Variants in XRN2 observed in about 807,000 individuals in gnomAD.
XRN2 encodes DHM1-like protein.
XRN2 carries 44 observed loss-of-function variants against 138.5 expected under a neutral mutation model. The observed-to-expected ratio is 0.32, with a 90% CI of 0.25 to 0.41. The LOEUF (loss-of-function observed/expected upper bound fraction) is 0.41. XRN2 is among the 10% of genes least tolerant of loss of function. The pLI is 1.00. For synonymous variants in XRN2, 354 were observed against 369.4 expected, an observed-to-expected ratio of 0.96 and a Z score of 0.48; for missense variants, 937 against 1,169.3, an observed-to-expected ratio of 0.80 and a Z score of 2.90.
At chr20:21,349,312 A>G (rs9917457) in intron 19 of XRN2, 77 bp from the exon 20 acceptor site, 55,788 of 1,012,898 alleles carry the variant, frequency 0.055, 2,683 homozygotes, top group African/African-American at 0.22. Context: ...TATAACTTGA[A>G]TGAAAGTCAT....
intron 15 of XRN2, among the ~76,000 whole-genome samples, chr20:21,341,395 T>C (rs775843196): frequency 2.6e-5 from 4 of 152,196 alleles, no homozygotes; most frequent in Non-Finnish European, 5.9e-5. Context: ...TAAATAAATA[T>C]CTTAAGGTAG....
intron 3 of XRN2, among the ~76,000 whole-genome samples, chr20:21,326,943 A>C (rs1490383262): frequency 6.6e-6 from 1 of 152,208 alleles, no homozygotes; most frequent in East Asian, 1.9e-4. Flanking sequence ...GGGAAGAGGA[A>C]GTCAGTGCTA....
At chr20:21,368,676 TTTG>T (rs2038730150) in intron 27 of XRN2, 86 bp downstream of exon 27, 10 of 1,556,502 alleles carry the variant, frequency 6.4e-6, no homozygotes, top group Non-Finnish European at 7.8e-6. Flanking sequence ...CTGAAAAAGA[TTTG>T]TTGTATCAGT....
At chr20:21,385,517 G>A (rs143183097) in intron 28 of XRN2, among the ~76,000 whole-genome samples, 2 of 152,146 alleles carry the variant, frequency 1.3e-5, no homozygotes, top group Non-Finnish European at 2.9e-5. Flanking sequence ...ATTTTTAATT[G>A]TATTCTGAAT....
At chr20:21,303,782 T>C (rs972538711) in intron 1 of XRN2, 34 of 1,132,156 alleles carry the variant, frequency 3.0e-5, no homozygotes, top group Non-Finnish European at 3.6e-5. Flanking sequence ...CTTTGTTTCC[T>C]CTCCAGACCG....
Position 21,389,325 on chromosome 20 carries a change from A to G in XRN2, c.2840A>G (p.Tyr947Cys), listed in dbSNP as rs763002325. The G allele has an allele frequency of 6.2e-7, 1 of 1,612,976 alleles. No individual in the cohort carries two copies. Residue 947 changes from tyrosine (Y) to cysteine (C), a missense_variant, in exon 30 of 30, where the codon TAC (tyrosine) becomes TGC (cysteine). Tyr to Cys is a radical substitution (Grantham distance 194). This residue lies in a region of XRN2 where 372 missense variants were observed against 414.4 expected (regional missense o/e 0.90). Transcript: ENST00000377191. ...CCTTTGCCACCACCCTCAGGAAGAT[A>G]CAATTGGAATTAAGCTTTTGTAAAG... ...KYPLPPPSGR[Y>C]NWN is the part of the protein sequence containing the mutation.
chr20:21,332,712 A>G (rs1446173094), intron 9 of XRN2, among the ~76,000 whole-genome samples: 4 of 152,040 alleles, frequency 2.6e-5, no homozygotes, highest in Admixed American at 6.6e-5. Context: ...GAATCTTTTA[A>G]AGTACTTTAA....
chr20:21,376,074 G>A (rs991125352), intron 27 of XRN2, among the ~76,000 whole-genome samples: 1 of 152,110 alleles, frequency 6.6e-6, no homozygotes, highest in Non-Finnish European at 1.5e-5. Context: ...TCCTGACCTC[G>A]TGATCCGTCC....
intron 1 of XRN2, among the ~76,000 whole-genome samples, chr20:21,317,382 A>G (rs775982959): frequency 4.6e-5 from 7 of 151,876 alleles, no homozygotes; most frequent in African/African-American, 9.7e-5. Flanking sequence ...TTGCTTTGCA[A>G]TCTGTTAATA....
chr20:21,333,244 GTGT>G (rs998299087), intron 9 of XRN2, among the ~76,000 whole-genome samples: 11 of 152,242 alleles, frequency 7.2e-5, no homozygotes, highest in African/African-American at 2.6e-4. Flanking sequence ...CATTTTTAAA[GTGT>G]TGTTAAAAAC....
intron 1 of XRN2, among the ~76,000 whole-genome samples, chr20:21,311,218 T>C (rs1236468514): frequency 6.6e-6 from 1 of 152,244 alleles, no homozygotes; most frequent in Non-Finnish European, 1.5e-5. Context: ...AGAACAATTT[T>C]ATCATCCCAA....
intron 13 of XRN2, 73 bp downstream of exon 13, chr20:21,334,258 T>C (rs2038255859): frequency 2.0e-5 from 25 of 1,244,502 alleles, no homozygotes; most frequent in Non-Finnish European, 2.7e-5. Context: ...GTGATTACTT[T>C]TAATCTCTTT....
intron 22 of XRN2, 138 bp from the exon 23 acceptor site, chr20:21,356,448 C>T (rs1346200891): frequency 1.4e-6 from 1 of 690,970 alleles, no homozygotes; most frequent in Non-Finnish European, 2.4e-6. Flanking sequence ...TTTTTATCCA[C>T]TTATCTATTG....
rs1167803897 is a variant in XRN2 at position 21,326,386 on chromosome 20, C to T, written c.183C>T (p.Pro61=). Residue 61 remains proline, a synonymous_variant, in exon 2 of 30, where the codon CCC becomes CCT. Transcript: ENST00000377191. ...TGGATATGAATGGAATCATCCATCC[C>T]TGTACTCATCCTGAAGACAAGTACG... ...LYLDMNGIIH[P]CTHPEDKPAP... 6.2e-7 allele frequency: 1 copy of T among 1,613,774 alleles called. No homozygotes were observed. Among genetic ancestry groups the T allele is most frequent in the Non-Finnish European group, 8.5e-7 (1 of 1,179,882 alleles).
At chr20:21,350,324 A>G (rs2038490594) in intron 20 of XRN2, among the ~76,000 whole-genome samples, 1 of 152,102 alleles carries the variant, frequency 6.6e-6, no homozygotes, top group African/African-American at 2.4e-5. Flanking sequence ...CAGGAGATCG[A>G]GACCATCCTG....
intron 1 of XRN2, among the ~76,000 whole-genome samples, chr20:21,317,690 G>GAA (rs2037979227): frequency 6.6e-6 from 1 of 152,116 alleles, no homozygotes; most frequent in African/African-American, 2.4e-5. Flanking sequence ...TGTAAATGCT[G>GAA]TGTGAATAGT....
chr20:21,335,626 G>T (rs964958954), intron 13 of XRN2, among the ~76,000 whole-genome samples: 9 of 152,174 alleles, frequency 5.9e-5, no homozygotes, highest in African/African-American at 2.2e-4. Context: ...GCTTTGTCTG[G>T]AAGATCAGAT....
At chr20:21,315,894 A>T (rs1406918435) in intron 1 of XRN2, among the ~76,000 whole-genome samples, 1 of 152,248 alleles carries the variant, frequency 6.6e-6, no homozygotes, top group African/African-American at 2.4e-5. Context: ...ATGATTTGCA[A>T]ATATTTTCCC....
intron 14 of XRN2, among the ~76,000 whole-genome samples, chr20:21,339,446 A>G (rs1464661116): frequency 4.6e-5 from 7 of 152,186 alleles, no homozygotes; most frequent in African/African-American, 9.7e-5. Context: ...TCTTTCTAGA[A>G]CACAACACTC....
Sources: allele counts gnomAD v4.1 joint callset (sites outside exome capture counted in the v4.1 genomes callset), GRCh38; gene constraint gnomAD v4.1.1; regional missense constraint gnomAD v4.1.1; transcripts MANE v1.5; gene names NCBI Gene and HGNC (gene_info 2026-07-23, HGNC 2026-07-21).